CTNS: variants seen among roughly 807,000 people sequenced by gnomAD.
CTNS encodes the protein cystinosin, lysosomal cystine transporter.
Under a neutral mutation model 43.7 loss-of-function variants are expected in CTNS, and 27 were observed. The ratio of observed to expected loss-of-function variants is 0.62; its 90% CI spans 0.46 to 0.85. The LOEUF is 0.85. Among genes scored for constraint, CTNS ranks in the 40% least tolerant of loss-of-function variants. The pLI is 0.00. For missense variants in CTNS, 457 were observed against 475.4 expected (o/e 0.96, Z 0.36); for synonymous variants, 187 against 190.6 (o/e 0.98, Z 0.16).
rs1016335477 is a variant in CTNS, at chr17:3,660,459, T to A, written c.*90T>A. The A allele has an allele frequency of 3.1e-6, 5 of 1,613,278 alleles. No individual in the cohort carries two copies. In the South Asian group the frequency reaches 5.5e-5, roughly 18 times the overall value. On this transcript the variant is annotated 3_prime_UTR_variant, in exon 12 of 12. Transcript: ENST00000046640. ...GAAGGCCGGAGAAGCGGTTGGGCCC[T>A]GGCACACAGGGCTGGCTCAGTGTGC...
intron 3 of CTNS, among the ~76,000 whole-genome samples, chr17:3,646,751 T>C (rs2150903495): frequency 6.7e-6 from 1 of 149,496 alleles, no homozygotes; most frequent in African/African-American, 2.4e-5. Flanking sequence ...GATGGTTTTC[T>C]AAGACCCTAA....
At chr17:3,642,186 C>T (rs1027225845) in intron 3 of CTNS, among the ~76,000 whole-genome samples, 1 of 151,028 alleles carries the variant, frequency 6.6e-6, no homozygotes, top group Non-Finnish European at 1.5e-5. Context: ...CATACATACT[C>T]TTTAAAGCCC....
chr17:3,657,733 A>G (rs1464180880), intron 9 of CTNS: 5 of 540,502 alleles, frequency 9.3e-6, no homozygotes, highest in Non-Finnish European at 1.3e-5. Flanking sequence ...ACAGAGCTTG[A>G]GAGTCCAAGC....
At chr17:3,653,995 A>C (rs2076057599) in intron 5 of CTNS, among the ~76,000 whole-genome samples, 1 of 152,172 alleles carries the variant, frequency 6.6e-6, no homozygotes, top group South Asian at 2.1e-4. Flanking sequence ...AAGGGTGAAA[A>C]TGCCCTCTTT....
Position 3,660,244 on chromosome 17 carries a change from A to T in CTNS, c.979A>T (p.Thr327Ser). Residue 327 changes from threonine (T) to serine (S), a missense_variant, in exon 12 of 12, where the codon ACG (threonine) becomes TCG (serine). Coordinates refer to ENST00000046640, the MANE Select transcript of CTNS (RefSeq NM_004937.3). ...FLQSYNNDQW[T>S]LIFGDPTKFG... ...CCCCCGGCTGCTAACAGACCAGTGG[A>T]CGCTGATCTTCGGAGACCCAACCAA... 6.2e-7 allele frequency: 1 copy of T among 1,614,220 alleles called. No homozygotes were observed. Among genetic ancestry groups the T allele is most frequent in the Non-Finnish European group, 8.5e-7 (1 of 1,180,040 alleles).
intron 5 of CTNS, 52 bp from the exon 6 acceptor site, chr17:3,654,946 G>A (rs1256044993): frequency 7.7e-7 from 1 of 1,298,016 alleles, no homozygotes; most frequent in Admixed American, 1.7e-5. Flanking sequence ...ATGCCAGCGG[G>A]GTCCTCGGTA....
intron 3 of CTNS, among the ~76,000 whole-genome samples, chr17:3,645,204 C>T (rs1024971365): frequency 3.3e-5 from 5 of 152,204 alleles, no homozygotes; most frequent in Admixed American, 6.5e-5. Flanking sequence ...CTCGCCACAG[C>T]GGCTTCCAGG....
chr17:3,655,162 TG>T lies in CTNS; in HGVS notation c.330-56del, dbSNP rs1465699143. 4.3e-6 allele frequency: 7 copies of T among 1,613,994 alleles called. No individual in the cohort carries two copies. The African/African-American group carries it at 9.3e-5, about 22-fold the overall frequency. On this transcript the variant is annotated intron_variant, in intron 6 of 11. Transcript: ENST00000046640. ...CAAGAAGGGGGCCGTGCTGGGCACG[TG>T]GGAGTCTCCTTCAGAAGCCCAGCCT...
rs909113334 is a variant in CTNS, at chr17:3,662,892, C to G, written c.*2523C>G. 3 of 152,204 alleles carry G rather than the reference C, an allele frequency of 2.0e-5. No homozygotes were observed. The highest frequency in any genetic ancestry group is 7.2e-5 in the African/African-American group (3 of 41,444). 9.4% of individuals were successfully genotyped at this position (152,204 alleles called of 1,614,324 possible). ...CCAGCCCATGCCTCAGCAAAGCCCC[C>G]TGTGAATTCCAGCATTTTTATTGAG... On this transcript the variant is annotated 3_prime_UTR_variant, in exon 12 of 12. Coordinates refer to ENST00000046640, the MANE Select transcript of CTNS (RefSeq NM_004937.3).
At chr17:3,648,364 C>G (rs757011527) in intron 4 of CTNS, among the ~76,000 whole-genome samples, 27 of 152,216 alleles carry the variant, frequency 1.8e-4, no homozygotes, top group Non-Finnish European at 3.7e-4. Flanking sequence ...GCCTCTAAAC[C>G]CAGGGCCAGG....
intron 7 of CTNS, 28 bp downstream of exon 7, chr17:3,655,380 T>C (rs1225499446): frequency 6.2e-7 from 1 of 1,613,106 alleles, no homozygotes; most frequent in African/African-American, 1.3e-5. Context: ...ATGTGCAGGC[T>C]CTCTCGGGGC....
chr17:3,655,755 C>T (rs568359518), intron 7 of CTNS: 9 of 301,274 alleles, frequency 3.0e-5, no homozygotes, highest in South Asian at 2.6e-4. Flanking sequence ...ACAAGCTGTC[C>T]TGCAGTCACC....
chr17:3,638,004 C>T (rs1340063427), intron 2 of CTNS, among the ~76,000 whole-genome samples: 2 of 152,192 alleles, frequency 1.3e-5, no homozygotes, highest in Non-Finnish European at 2.9e-5. Flanking sequence ...TCATACCTGG[C>T]AGACAGGAGC....
chr17:3,640,337 C>A, intron 3 of CTNS, 70 bp downstream of exon 3: 1 of 1,460,536 alleles, frequency 6.8e-7, no homozygotes, highest in South Asian at 1.1e-5. Context: ...GTAATCTGAT[C>A]TGTTTGTTGC....
At position 3,649,522 on chromosome 17, in the gene CTNS, G is replaced by T. The variant is rs374382047; in HGVS notation, c.225+591G>T. On this transcript the variant is annotated intron_variant, in intron 5 of 11. Transcript: ENST00000046640. ...GCTCAAAGGGCATTCAAGGACCAGA[G>T]AATTGGGCTTCCTTAGGAACACAGC... 3.3e-5 allele frequency among the ~76,000 whole-genome samples: 5 copies of T among 151,344 alleles called. No homozygotes were observed. The East Asian group carries it at 7.8e-4, about 24-fold the overall frequency.
At chr17:3,645,167 A>C (rs1282521631) in intron 3 of CTNS, among the ~76,000 whole-genome samples, 1 of 152,214 alleles carries the variant, frequency 6.6e-6, no homozygotes, top group Non-Finnish European at 1.5e-5. Flanking sequence ...TGACCTCAGA[A>C]CAGTGAGCCT....
intron 9 of CTNS, among the ~76,000 whole-genome samples, chr17:3,657,463 G>T (rs1187169620): frequency 6.6e-6 from 1 of 152,208 alleles, no homozygotes; most frequent in East Asian, 1.9e-4. Context: ...CCAGCTGGGG[G>T]CTGTCTGGCC....
chr17:3,637,871 C>T (rs1320540488), intron 2 of CTNS, among the ~76,000 whole-genome samples: 2 of 146,484 alleles, frequency 1.4e-5, no homozygotes, highest in Non-Finnish European at 1.5e-5. Context: ...CACAAGGTCG[C>T]ATAAGTAATA....
chr17:3,647,645 C>G, intron 4 of CTNS, 123 bp downstream of exon 4: 1 of 887,754 alleles, frequency 1.1e-6, no homozygotes, highest in South Asian at 1.4e-5. Flanking sequence ...ACCTGTAAGA[C>G]AAGCCCTAGA....
Sources: gnomAD v4.1 joint callset for allele counts (sites outside exome capture counted in the v4.1 genomes callset) on GRCh38, gnomAD v4.1.1 for gene constraint, MANE v1.5 for transcripts, NCBI Gene and HGNC (gene_info 2026-07-23, HGNC 2026-07-21) for gene names.